Variants in PSG5 observed in about 807,000 individuals in gnomAD.
PSG5 encodes pregnancy specific beta-1-glycoprotein 5.
Under a neutral mutation model 37.7 loss-of-function variants are expected in PSG5, and 53 were observed. The observed-to-expected ratio is 1.41, with a 90% CI of 1.13 to 1.77. The LOEUF (loss-of-function observed/expected upper bound fraction) is 1.77, where lower values mean the gene tolerates loss of function less well. Among genes scored for constraint, PSG5 ranks in the 40% most tolerant of loss-of-function variants. PSG5 has a pLI of 0.00. For missense variants in PSG5, 547 were observed against 405.2 expected (o/e 1.35, Z -3.00); for synonymous variants, 221 against 155.4 (o/e 1.42, Z -3.14).
Position 43,186,421 on chromosome 19 carries a change from G to T in PSG5, c.-16C>A, listed in dbSNP as rs755853083. Reference sequence around the variant, plus strand: ...GGGGCCCCATGGTCTCTGCGCCTGCGTGTTCTCCTCTGTGGAGCTGAGCCT... The same window carrying T: ...GGGGCCCCATGGTCTCTGCGCCTGCTTGTTCTCCTCTGTGGAGCTGAGCCT... On this transcript the variant is annotated 5_prime_UTR_variant, in exon 1 of 6. Coordinates refer to ENST00000342951, the MANE Select transcript of PSG5 (RefSeq NM_002781.4). 2.5e-6 allele frequency: 4 copies of T among 1,611,874 alleles called. No individual in the cohort carries two copies. Among genetic ancestry groups the T allele is most frequent in the Non-Finnish European group, 3.4e-6 (4 of 1,178,704 alleles).
intron 4 of PSG5, chr19:43,174,786 C>G: frequency 1.0e-5 from 12 of 1,178,766 alleles, no homozygotes; most frequent in Non-Finnish European, 1.2e-5. Context: ...GGGGCTTCCT[C>G]GTCTCATTTG....
At chr19:43,170,819 C>G (rs1968890451) in intron 4 of PSG5, 1 of 152,606 alleles carries the variant, frequency 6.6e-6, no homozygotes, top group Admixed American at 6.6e-5. Flanking sequence ...CATTCCCTCA[C>G]AGGTGTCCTC....
chr19:43,180,337 A>C (rs1969102094), intron 2 of PSG5: 1 of 151,624 alleles, frequency 6.6e-6, no homozygotes, highest in Admixed American at 6.6e-5. Context: ...AGCTTAAAAC[A>C]AAGTGTTTTG....
Position 43,174,860 on chromosome 19 carries a change from AG to A in PSG5, c.964+354del, listed in dbSNP as rs761967711. On this transcript the variant is annotated intron_variant, in intron 4 of 5. Transcript: ENST00000342951. ...CCTTGTAGCTCATGGAATAGGTACA[AG>A]GAAACAAAGACATGGCAGAAGGGGA... 4.3e-4 allele frequency: 508 copies of A among 1,193,614 alleles called. 7 individuals are homozygous for A. The African/African-American group carries it at 5.8e-3, about 14-fold the overall frequency. The allele number at this position is 1,193,614 out of a possible 1,614,324, so 73.9% of individuals were successfully genotyped here.
At chr19:43,181,466 T>A (rs1462698369) in intron 2 of PSG5, among the ~76,000 whole-genome samples, 1 of 150,874 alleles carries the variant, frequency 6.6e-6, no homozygotes, top group Non-Finnish European at 1.5e-5. Flanking sequence ...TCTAACAGCA[T>A]TTTTTTTTCT....
chr19:43,173,937 AC>A (rs1233486117), intron 4 of PSG5, among the ~76,000 whole-genome samples: 1 of 151,618 alleles, frequency 6.6e-6, no homozygotes, highest in Non-Finnish European at 1.5e-5. Context: ...AGCATTACTC[AC>A]ACTAGCGAAA....
rs151128646 is a variant in PSG5, at chr19:43,169,939, G to C, written c.*40+116C>G. 2.6e-4 allele frequency: 167 copies of C among 633,476 alleles called. 1 individual carries two copies. In the East Asian group the frequency reaches 5.8e-3, roughly 22 times the overall value. The allele number at this position is 633,476 out of a possible 1,614,324, so 39.2% of individuals were successfully genotyped here. ...CAGGAATTAGTTCTGAGAAGCAGGA[G>C]TTTAGTGGAGGAAGGAGGAGATGCA... is the stretch of plus-strand genomic sequence containing the variant. On this transcript the variant is annotated intron_variant, in intron 5 of 5. Transcript: ENST00000342951.
intron 2 of PSG5, among the ~76,000 whole-genome samples, chr19:43,182,205 CA>C: frequency 6.6e-6 from 1 of 151,694 alleles, no homozygotes; most frequent in Non-Finnish European, 1.5e-5. Context: ...TGGCCTTTGT[CA>C]AACTAGTGAA....
rs1196920437 is a variant in PSG5 at position 43,167,844 on chromosome 19, A to T, written c.*400T>A. 3.3e-6 allele frequency: 1 copy of T among 304,310 alleles called. No homozygotes were observed. The highest frequency in any genetic ancestry group is 6.1e-6 in the Non-Finnish European group (1 of 163,200). The allele number at this position is 304,310 out of a possible 1,614,324, so 18.9% of individuals were successfully genotyped here. The stretch of plus-strand genomic sequence containing the variant: ...ATAGAGAGCAAAAGCAAATGTTTCA[A>T]TTTTTGTTTACAAAAGTATACTTTA... On this transcript the variant is annotated 3_prime_UTR_variant, in exon 6 of 6. Transcript: ENST00000342951.
chr19:43,170,768 T>G (rs9676931), intron 4 of PSG5: 1 of 158,902 alleles, frequency 6.3e-6, no homozygotes, highest in Non-Finnish European at 1.4e-5. Flanking sequence ...CTCTGCATAG[T>G]GGTCTGTGGG....
chr19:43,174,511 A>G (rs1287024761), intron 4 of PSG5: 17 of 779,198 alleles, frequency 2.2e-5, no homozygotes, highest in Admixed American at 6.1e-5. Context: ...TGTGCCCACA[A>G]CCTCATACAA....
At chr19:43,171,931 C>A (rs1968913645) in intron 4 of PSG5, among the ~76,000 whole-genome samples, 1 of 146,872 alleles carries the variant, frequency 6.8e-6, no homozygotes, top group Non-Finnish European at 1.5e-5. Flanking sequence ...ATAATCACAC[C>A]ACTGTATTCC....
intron 2 of PSG5, chr19:43,178,836 T>G (rs751093506): frequency 5.6e-6 from 9 of 1,612,456 alleles, no homozygotes; most frequent in Non-Finnish European, 7.6e-6. Context: ...CCATGTGTAT[T>G]TGGGATGGCA....
rs370714787 is a variant in PSG5 at position 43,170,298 on chromosome 19, GT to G, written c.965-161del. ...GATGGGAGATGATTATATTCTTGCA[GT>G]TTTTTTTTTCCCTCTCACCATGTTT... On this transcript the variant is annotated intron_variant, in intron 4 of 5. Coordinates refer to ENST00000342951, the MANE Select transcript of PSG5 (RefSeq NM_002781.4). 4.1e-3 allele frequency: 2,743 copies of G among 671,888 alleles called. 67 individuals are homozygous for G. Among genetic ancestry groups the G allele is most frequent in the African/African-American group, 0.034 (1,767 of 52,094 alleles). The allele number at this position is 671,888 out of a possible 1,614,324, so 41.6% of individuals were successfully genotyped here. A position where few individuals can be genotyped will look rare whatever the true frequency, so the allele number is the denominator to read the frequency against.
At position 43,175,231 on chromosome 19, in the gene PSG5, C is replaced by G. The variant is rs781583162; in HGVS notation, c.948G>C (p.Met316Ile). The G allele has an allele frequency of 9.9e-6, 16 of 1,612,690 alleles. No individual in the cohort carries two copies. The highest frequency in any genetic ancestry group is 9.9e-5 in the South Asian group (9 of 91,054). The change falls in exon 4 of 6, where the codon ATG becomes ATC. Residue 316 changes from methionine (M) to isoleucine (I), a missense_variant. By Grantham distance (10) the Met-to-Ile change is conservative (BLOSUM62 1). Coordinates refer to ENST00000342951, the MANE Select transcript of PSG5 (RefSeq NM_002781.4). ...TCCACTTACCAGAGACTTCGACTGT[C>G]ATGGATTTGGAGCTTTCCTTGCCAG... Reference protein sequence around the residue: ...SATGKESSKSMTVEVSAPSGI... With the variant: ...SATGKESSKSITVEVSAPSGI...
chr19:43,179,786 G>A (rs938071736), intron 2 of PSG5, among the ~76,000 whole-genome samples: 1 of 151,706 alleles, frequency 6.6e-6, no homozygotes, highest in Admixed American at 6.6e-5. Flanking sequence ...TTGAGCCAGT[G>A]ACTTCTAAAG....
intron 3 of PSG5, 58 bp from the exon 4 acceptor site, chr19:43,175,527 G>C: frequency 1.9e-6 from 3 of 1,557,272 alleles, no homozygotes; most frequent in South Asian, 2.5e-5. Flanking sequence ...GGATGCTCCT[G>C]GTCTCTTAAA....
intron 2 of PSG5, chr19:43,179,190 G>C (rs1168293881): frequency 7.0e-6 from 11 of 1,565,716 alleles, no homozygotes; most frequent in Non-Finnish European, 7.0e-6. Flanking sequence ...ATTGCCCTGT[G>C]TGGCACCTTT....
intron 4 of PSG5, chr19:43,170,437 CT>C: frequency 2.2e-6 from 1 of 446,346 alleles, no homozygotes; most frequent in Non-Finnish European, 4.3e-6. Context: ...AACTTACCAC[CT>C]TTTCACCTTT....
Sources: gnomAD v4.1 joint callset for allele counts (sites outside exome capture counted in the v4.1 genomes callset) on GRCh38, gnomAD v4.1.1 for gene constraint, MANE v1.5 for transcripts, NCBI Gene and HGNC (gene_info 2026-07-23, HGNC 2026-07-21) for gene names.